The following MRAP2 variants were observed in gnomAD, a reference collection of about 807,000 sequenced individuals.
MRAP2 encodes the protein melanocortin-2 receptor accessory protein 2.
MRAP2 carries 20 observed loss-of-function variants against 17.4 expected under a neutral mutation model. The observed-to-expected ratio is 1.15, with a 90% CI of 0.81 to 1.67. The LOEUF (loss-of-function observed/expected upper bound fraction) is 1.67, where lower values mean the gene tolerates loss of function less well. Among genes scored for constraint, MRAP2 ranks in the 40% most tolerant of loss-of-function variants. MRAP2 has a pLI of 0.00. For synonymous variants in MRAP2, 96 were observed against 88.4 expected (o/e 1.09, Z -0.48); for missense variants, 238 against 240.0 (o/e 0.99, Z 0.05).
chr6:84,070,106 A>G (rs1476134540), intron 3 of MRAP2, among the ~76,000 whole-genome samples: 1 of 151,518 alleles, frequency 6.6e-6, no homozygotes, highest in Non-Finnish European at 1.5e-5. Flanking sequence ...TGCTCTGATG[A>G]TCTTGGTTAT....
At chr6:84,081,290 A>G (rs1333596864) in intron 3 of MRAP2, among the ~76,000 whole-genome samples, 2 of 152,242 alleles carry the variant, frequency 1.3e-5, no homozygotes, top group Non-Finnish European at 2.9e-5. Flanking sequence ...TGTCTACTGC[A>G]TGAAGCTGTC....
At chr6:84,119,516 G>C in the MRAP2 span, among the ~76,000 whole-genome samples, 1 of 152,112 alleles carries the variant, frequency 6.6e-6, no homozygotes, top group Non-Finnish European at 1.5e-5. Context: ...TTCTCTCTCA[G>C]GGCACACTAG....
the MRAP2 span, among the ~76,000 whole-genome samples, chr6:84,105,901 G>A: frequency 1.3e-5 from 2 of 152,128 alleles, no homozygotes; most frequent in African/African-American, 4.8e-5. Context: ...GGAACAGAAA[G>A]TAAAAATTTT....
chr6:84,116,150 T>G, the MRAP2 span, among the ~76,000 whole-genome samples: 1 of 152,182 alleles, frequency 6.6e-6, no homozygotes, highest in Non-Finnish European at 1.5e-5. Context: ...TGGCCAGAAC[T>G]TCCAGTACTA....
At chr6:84,065,027 G>A (rs1297122226) in intron 3 of MRAP2, among the ~76,000 whole-genome samples, 4 of 152,162 alleles carry the variant, frequency 2.6e-5, no homozygotes, top group Admixed American at 1.3e-4. Flanking sequence ...GCTCATGCCC[G>A]TAATCCCAAC....
the MRAP2 span, among the ~76,000 whole-genome samples, chr6:84,104,588 G>T: frequency 1.3e-5 from 2 of 152,180 alleles, no homozygotes; most frequent in African/African-American, 4.8e-5. Context: ...TCTTCCATCG[G>T]CTGGGCGCAG....
At chr6:84,040,876 A>G (rs947737013) in intron 1 of MRAP2, among the ~76,000 whole-genome samples, 1 of 152,232 alleles carries the variant, frequency 6.6e-6, no homozygotes, top group African/African-American at 2.4e-5. Context: ...TAGAAAAGAA[A>G]AACTCATTTT....
At chr6:84,080,863 G>A (rs548133926) in intron 3 of MRAP2, among the ~76,000 whole-genome samples, 4 of 152,156 alleles carry the variant, frequency 2.6e-5, no homozygotes, top group African/African-American at 4.8e-5. Context: ...ATGAACACAG[G>A]GGATTAGGTG....
chr6:84,083,546 T>C (rs4707033), intron 3 of MRAP2, among the ~76,000 whole-genome samples: 1,564 of 152,284 alleles, frequency 0.01, 97 homozygotes, highest in Admixed American at 0.093. Flanking sequence ...GAGTTTATAA[T>C]TTTATCACCT....
the MRAP2 span, among the ~76,000 whole-genome samples, chr6:84,117,612 G>A: frequency 3.0e-3 from 454 of 151,304 alleles, 2 homozygotes; most frequent in African/African-American, 0.01. Flanking sequence ...TCTGTCTTCA[G>A]TCTTTGAGGT....
At chr6:84,083,373 C>G (rs1180035118) in intron 3 of MRAP2, among the ~76,000 whole-genome samples, 1 of 152,160 alleles carries the variant, frequency 6.6e-6, no homozygotes, top group Non-Finnish European at 1.5e-5. Context: ...ATTTTTATAG[C>G]CTGTGAATAT....
chr6:84,039,017 T>A (rs952475162), intron 1 of MRAP2, among the ~76,000 whole-genome samples: 1 of 152,222 alleles, frequency 6.6e-6, no homozygotes, highest in Non-Finnish European at 1.5e-5. Flanking sequence ...GTGTTTATTG[T>A]TACATTTACT....
At chr6:84,063,887 T>C (rs1280563993) in intron 3 of MRAP2, among the ~76,000 whole-genome samples, 2 of 151,734 alleles carry the variant, frequency 1.3e-5, no homozygotes, top group East Asian at 3.9e-4. Context: ...CTATTAAAAA[T>C]ACAAAAAATT....
chr6:84,144,887 T>C, the MRAP2 span, among the ~76,000 whole-genome samples: 1 of 152,136 alleles, frequency 6.6e-6, no homozygotes, highest in Non-Finnish European at 1.5e-5. Context: ...CTTTTTTTCC[T>C]CTATCTCTCC....
chr6:84,051,667 G>A (rs2099490455), intron 1 of MRAP2, among the ~76,000 whole-genome samples: 1 of 152,182 alleles, frequency 6.6e-6, no homozygotes, highest in East Asian at 1.9e-4. Context: ...ATGCTGCAGT[G>A]AACTGTGATC....
the MRAP2 span, among the ~76,000 whole-genome samples, chr6:84,132,088 C>G: frequency 6.6e-6 from 1 of 152,234 alleles, no homozygotes; most frequent in African/African-American, 2.4e-5. Flanking sequence ...TTTTATTTCT[C>G]CTTCACTTAC....
intron 3 of MRAP2, among the ~76,000 whole-genome samples, chr6:84,069,202 T>C (rs938547663): frequency 6.6e-6 from 1 of 152,120 alleles, no homozygotes; most frequent in Admixed American, 6.5e-5. Context: ...ACTTTTCAGC[T>C]TTTCCCCACT....
intron 3 of MRAP2, among the ~76,000 whole-genome samples, chr6:84,079,767 GTGAGGA>G (rs980229100): frequency 1.3e-4 from 20 of 152,216 alleles, no homozygotes; most frequent in African/African-American, 4.3e-4. Context: ...GAAAGGAAAA[GTGAGGA>G]GGATTACACA....
the MRAP2 span, among the ~76,000 whole-genome samples, chr6:84,145,742 T>C: frequency 1.5e-3 from 234 of 152,238 alleles, no homozygotes; most frequent in Non-Finnish European, 3.1e-3. Context: ...TGATATAAAC[T>C]GCAGAGAGTC....
Sources: gnomAD v4.1 joint callset for allele counts (sites outside exome capture counted in the v4.1 genomes callset) on GRCh38, gnomAD v4.1.1 for gene constraint, MANE v1.5 for transcripts, NCBI Gene and HGNC (gene_info 2026-07-23, HGNC 2026-07-21) for gene names.